UBR1: variants seen among roughly 807,000 people sequenced by gnomAD.
UBR1 encodes the protein E3 ubiquitin-protein ligase UBR1.
A neutral mutation model predicts 242.1 loss-of-function variants in UBR1; 102 were observed. The observed-to-expected ratio is 0.42, with a 90% CI of 0.36 to 0.50. The LOEUF (loss-of-function observed/expected upper bound fraction) is 0.50. UBR1 is among the 20% of genes least tolerant of loss of function. The pLI, the probability that UBR1 is intolerant of heterozygous loss-of-function variation, is 0.01. For missense variants in UBR1, 1,772 were observed against 2,101.8 expected (o/e 0.84, Z 3.07); for synonymous variants, 675 against 684.8 (o/e 0.99, Z 0.22).
At chr15:43,007,403 A>G (rs1247335277) in intron 29 of UBR1, 119 bp from the exon 30 acceptor site, 2 of 904,850 alleles carry the variant, frequency 2.2e-6, no homozygotes, top group Non-Finnish European at 3.4e-6. Context: ...AATAAAAATG[A>G]TATTTAGCAA....
At chr15:42,990,210 A>C in intron 33 of UBR1, 90 bp from the exon 34 acceptor site, 2 of 973,136 alleles carry the variant, frequency 2.1e-6, no homozygotes, top group Non-Finnish European at 1.6e-6. Context: ...TATTTTTGAC[A>C]GTCTCACTCT....
chr15:43,044,768 A>AC (rs1390099419), intron 14 of UBR1, among the ~76,000 whole-genome samples: 6 of 152,032 alleles, frequency 3.9e-5, no homozygotes, highest in Non-Finnish European at 7.4e-5. Flanking sequence ...GGTGGTGCAC[A>AC]CCTGTAGTCC....
intron 29 of UBR1, among the ~76,000 whole-genome samples, chr15:43,012,619 T>C (rs1168281698): frequency 6.6e-6 from 1 of 152,204 alleles, no homozygotes; most frequent in Non-Finnish European, 1.5e-5. Flanking sequence ...GCTTACACCT[T>C]CTTATTTTAT....
chr15:42,986,404 G>C (rs536678050), intron 35 of UBR1, among the ~76,000 whole-genome samples: 5 of 152,300 alleles, frequency 3.3e-5, no homozygotes, highest in African/African-American at 1.2e-4. Context: ...TCTATCAGCA[G>C]TGAATTTCCT....
intron 46 of UBR1, among the ~76,000 whole-genome samples, chr15:42,946,324 C>G (rs556789725): frequency 1.3e-5 from 2 of 152,186 alleles, no homozygotes; most frequent in South Asian, 2.1e-4. Context: ...GACGGGGTTT[C>G]ACAATGTTGG....
chr15:43,028,746 C>CA (rs1266687796), intron 21 of UBR1, among the ~76,000 whole-genome samples: 1,501 of 104,156 alleles, frequency 0.014, 26 homozygotes, highest in East Asian at 0.049. Context: ...CTCCATCAAA[C>CA]AAAAAAAAAA....
chr15:42,949,116 C>A (rs1055133183), intron 46 of UBR1, among the ~76,000 whole-genome samples: 1 of 152,072 alleles, frequency 6.6e-6, no homozygotes, highest in African/African-American at 2.4e-5. Context: ...AGGATGAGTT[C>A]ATGTCCTTTG....
chr15:42,953,460 T>TA (rs1280371987), intron 44 of UBR1, among the ~76,000 whole-genome samples: 1 of 152,192 alleles, frequency 6.6e-6, no homozygotes, highest in Admixed American at 6.5e-5. Flanking sequence ...TCAGACAGGA[T>TA]AAAAAACAAA....
In UBR1 at chr15:42,950,381, T is replaced by C. The variant is rs369278811; in HGVS notation, c.5007-18A>G. 3.4e-5 allele frequency: 54 copies of C among 1,608,566 alleles called. No homozygotes were observed. The highest frequency in any genetic ancestry group is 1.0e-4 in the Admixed American group (6 of 60,016). On this transcript the variant is annotated intron_variant, in intron 45 of 46. Coordinates refer to ENST00000290650, the MANE Select transcript of UBR1 (RefSeq NM_174916.3). The stretch of plus-strand genomic sequence containing the variant: ...CTCTGATTCTGAAAGAGAAAATCAA[T>C]AGGAAATATGGTTAAGTGTATGTGT...
chr15:42,989,496 A>C (rs556862650), intron 34 of UBR1, among the ~76,000 whole-genome samples: 3 of 152,358 alleles, frequency 2.0e-5, no homozygotes, highest in Non-Finnish European at 4.4e-5. Flanking sequence ...TGGGATAGAT[A>C]AACAAGGATC....
chr15:43,084,766 T>G (rs1223154772), intron 2 of UBR1, among the ~76,000 whole-genome samples: 2 of 152,116 alleles, frequency 1.3e-5, no homozygotes, highest in Non-Finnish European at 2.9e-5. Flanking sequence ...CTATTTTTTT[T>G]CCCCTGAGAA....
At chr15:43,058,503 T>C (rs527915486) in intron 9 of UBR1, 74 bp from the exon 10 acceptor site, 1 of 945,566 alleles carries the variant, frequency 1.1e-6, no homozygotes, top group South Asian at 1.4e-5. Flanking sequence ...TTCTGGCTAT[T>C]AGAGTGGCAG....
intron 29 of UBR1, among the ~76,000 whole-genome samples, chr15:43,010,818 CAAAAAAAAAAAAA>C (rs768275252): frequency 3.5e-5 from 2 of 56,972 alleles, no homozygotes; most frequent in African/African-American, 7.2e-5. Context: ...ACTAAAAATA[CAAAAAAAAAAAAA>C]AAAAAAAAAA....
intron 39 of UBR1, among the ~76,000 whole-genome samples, chr15:42,973,527 G>A (rs2032239789): frequency 6.6e-6 from 1 of 152,072 alleles, no homozygotes; most frequent in Non-Finnish European, 1.5e-5. Context: ...ACTCCCGGCT[G>A]AAGTGATCTG....
chr15:43,035,238 C>T (rs984936044), intron 19 of UBR1, among the ~76,000 whole-genome samples: 3 of 151,982 alleles, frequency 2.0e-5, no homozygotes, highest in Non-Finnish European at 2.9e-5. Context: ...GACACTAAAA[C>T]TTTAAAAGTG....
intron 1 of UBR1, among the ~76,000 whole-genome samples, chr15:43,101,557 C>T (rs1245223633): frequency 2.6e-5 from 4 of 152,124 alleles, no homozygotes; most frequent in Non-Finnish European, 5.9e-5. Context: ...AGGCCAGGTG[C>T]GATGGCTCAC....
intron 8 of UBR1, among the ~76,000 whole-genome samples, 171 bp downstream of exon 8, chr15:43,059,531 T>C (rs1196574497): frequency 6.7e-6 from 1 of 149,070 alleles, no homozygotes; most frequent in African/African-American, 2.5e-5. Flanking sequence ...TGAAATAATA[T>C]CCTAAGATAT....
intron 39 of UBR1, among the ~76,000 whole-genome samples, chr15:42,976,451 T>G (rs1206691028): frequency 6.6e-6 from 1 of 152,146 alleles, no homozygotes; most frequent in Non-Finnish European, 1.5e-5. Flanking sequence ...ATGGGGAATT[T>G]GAAAAAGAGG....
At chr15:43,056,315 A>G (rs367557124) in intron 11 of UBR1, 29 bp downstream of exon 11, 6 of 1,522,516 alleles carry the variant, frequency 3.9e-6, no homozygotes, top group Non-Finnish European at 5.5e-6. Flanking sequence ...TTTACTTAGA[A>G]AGACTGAAAA....
Sources: allele counts gnomAD v4.1 joint callset (sites outside exome capture counted in the v4.1 genomes callset), GRCh38; gene constraint gnomAD v4.1.1; transcripts MANE v1.5; gene names NCBI Gene and HGNC (gene_info 2026-07-23, HGNC 2026-07-21).